Variants in CSMD1 observed in about 807,000 individuals in gnomAD.
CSMD1 encodes CUB and Sushi multiple domains 1.
A neutral mutation model predicts 417.5 loss-of-function variants in CSMD1; 213 were observed. The observed-to-expected ratio is 0.51, with a 90% CI of 0.46 to 0.57. The LOEUF is 0.57. Ranked by LOEUF, CSMD1 falls within the 20% of genes least tolerant of loss-of-function variation. The pLI, the probability that CSMD1 is intolerant of heterozygous loss-of-function variation, is 0.00. For synonymous variants in CSMD1, 2,862 were observed against 1,736.8 expected, an observed-to-expected ratio of 1.65 and a Z score of -16.11; for missense variants, 6,923 against 4,529.7, an observed-to-expected ratio of 1.53 and a Z score of -15.17.
chr8:4,160,015 C>T (rs905301262), intron 3 of CSMD1, among the ~76,000 whole-genome samples: 5 of 151,178 alleles, frequency 3.3e-5, no homozygotes, highest in Admixed American at 2.0e-4. Flanking sequence ...ATGGGTGCAC[C>T]AAAATTTCAG....
At chr8:4,031,742 A>C (rs1199470831) in intron 4 of CSMD1, among the ~76,000 whole-genome samples, 163 bp downstream of exon 4, 1 of 152,232 alleles carries the variant, frequency 6.6e-6, no homozygotes, top group African/African-American at 2.4e-5. Flanking sequence ...TTTCTTACAT[A>C]GTAATAACAT....
intron 6 of CSMD1, among the ~76,000 whole-genome samples, chr8:3,719,638 T>G (rs965445093): frequency 1.3e-5 from 2 of 152,142 alleles, no homozygotes; most frequent in African/African-American, 4.8e-5. Flanking sequence ...GAAAGTGCAC[T>G]CTGGGTAGGG....
intron 25 of CSMD1, among the ~76,000 whole-genome samples, chr8:3,293,705 G>T (rs541894031): frequency 3.2e-4 from 48 of 152,206 alleles, no homozygotes; most frequent in Non-Finnish European, 5.6e-4. Flanking sequence ...TCTGTGCATT[G>T]GTTATTCTAG....
chr8:3,504,994 A>G (rs148742229), intron 10 of CSMD1, among the ~76,000 whole-genome samples: 1 of 142,734 alleles, frequency 7.0e-6, no homozygotes, highest in Non-Finnish European at 1.5e-5. Context: ...TAAGCAAACA[A>G]AACAGTGATG....
chr8:3,933,622 A>T (rs542577770), intron 5 of CSMD1, among the ~76,000 whole-genome samples: 2 of 152,304 alleles, frequency 1.3e-5, no homozygotes, highest in Non-Finnish European at 2.9e-5. Flanking sequence ...CTGGTAAGAT[A>T]CTGTTAGTCT....
At chr8:2,995,435 CAT>C (rs1806800293) in intron 54 of CSMD1, among the ~76,000 whole-genome samples, 1 of 152,312 alleles carries the variant, frequency 6.6e-6, no homozygotes, top group African/African-American at 2.4e-5. Flanking sequence ...ATCGCCCACA[CAT>C]GTTGGGTAGG....
intron 5 of CSMD1, among the ~76,000 whole-genome samples, chr8:3,780,883 G>A (rs140264533): frequency 2.0e-5 from 3 of 152,294 alleles, no homozygotes; most frequent in Non-Finnish European, 2.9e-5. Context: ...TGCAGAGTGT[G>A]GAAGGGGTTT....
At chr8:3,959,871 C>G (rs553152568) in intron 5 of CSMD1, among the ~76,000 whole-genome samples, 1 of 152,314 alleles carries the variant, frequency 6.6e-6, no homozygotes, top group East Asian at 1.9e-4. Context: ...AGGTATATAA[C>G]GTGTGATCTG....
chr8:3,252,200 G>C lies in CSMD1; in HGVS notation c.4154-21969C>G, dbSNP rs1460662099. ...TCAGTATGATATTGGCTGTGGGTTT[G>C]TCATAGATAGCTCTTATTATTTTGA... is the stretch of plus-strand genomic sequence containing the variant. On this transcript the variant is annotated intron_variant, in intron 26 of 69. Coordinates refer to ENST00000635120, the MANE Select transcript of CSMD1 (RefSeq NM_033225.6). Among the ~76,000 whole-genome samples, 78 of 152,152 alleles carry C rather than the reference G, an allele frequency of 5.1e-4. 3 individuals carry two copies. The highest frequency in any genetic ancestry group is 5.1e-3 in the Admixed American group (78 of 15,264).
intron 15 of CSMD1, among the ~76,000 whole-genome samples, chr8:3,401,855 T>A (rs1480677513): frequency 6.6e-6 from 1 of 152,070 alleles, no homozygotes; most frequent in Non-Finnish European, 1.5e-5. Context: ...CAAAAATATT[T>A]GATGAACATC....
chr8:4,719,182 G>A (rs967948276), intron 1 of CSMD1, among the ~76,000 whole-genome samples: 1 of 152,162 alleles, frequency 6.6e-6, no homozygotes, highest in Non-Finnish European at 1.5e-5. Context: ...AGACTACACA[G>A]CTAGAGAAAG....
At chr8:4,414,059 C>G (rs1207768926) in intron 3 of CSMD1, among the ~76,000 whole-genome samples, 2 of 152,148 alleles carry the variant, frequency 1.3e-5, no homozygotes, top group African/African-American at 4.8e-5. Flanking sequence ...TCTATCCTGC[C>G]AGGTGCATCA....
intron 8 of CSMD1, chr8:3,598,234 T>C (rs1478449821): frequency 2.0e-5 from 3 of 152,228 alleles, no homozygotes; most frequent in Non-Finnish European, 4.4e-5. Context: ...AATTATACTG[T>C]GCTGTGTAGA....
At chr8:3,448,040 C>T (rs1374405854) in intron 12 of CSMD1, among the ~76,000 whole-genome samples, 2 of 151,906 alleles carry the variant, frequency 1.3e-5, no homozygotes, top group African/African-American at 2.4e-5. Flanking sequence ...TACAAACAAG[C>T]CTCTTGTGTC....
chr8:3,252,728 C>G (rs968394844), intron 26 of CSMD1, among the ~76,000 whole-genome samples: 1 of 152,152 alleles, frequency 6.6e-6, no homozygotes, highest in Non-Finnish European at 1.5e-5. Flanking sequence ...TAATTATTGC[C>G]TCAATTTCAG....
At chr8:3,031,915 T>A (rs1197471481) in intron 50 of CSMD1, among the ~76,000 whole-genome samples, 1 of 151,736 alleles carries the variant, frequency 6.6e-6, no homozygotes, top group Non-Finnish European at 1.5e-5. Flanking sequence ...AACACTGTCT[T>A]TTTACATTTT....
chr8:3,455,372 G>C (rs1376009171), intron 12 of CSMD1, among the ~76,000 whole-genome samples: 1 of 152,236 alleles, frequency 6.6e-6, no homozygotes, highest in Non-Finnish European at 1.5e-5. Context: ...CTTTCCTTTG[G>C]AGGAGGAGAG....
chr8:4,232,864 G>C (rs931300163), intron 3 of CSMD1, among the ~76,000 whole-genome samples: 1 of 152,074 alleles, frequency 6.6e-6, no homozygotes, highest in Non-Finnish European at 1.5e-5. Context: ...TATTTTAGGG[G>C]CAACAATCTT....
chr8:4,862,045 T>C (rs1802167620), intron 1 of CSMD1, among the ~76,000 whole-genome samples: 1 of 152,066 alleles, frequency 6.6e-6, no homozygotes, highest in African/African-American at 2.4e-5. Context: ...TGCGTTTTAA[T>C]ACAGGATGCT....
Sources: gnomAD v4.1 joint callset for allele counts (sites outside exome capture counted in the v4.1 genomes callset) on GRCh38, gnomAD v4.1.1 for gene constraint, MANE v1.5 for transcripts, NCBI Gene and HGNC (gene_info 2026-07-23, HGNC 2026-07-21) for gene names.